NBPF26: variants seen among roughly 807,000 people sequenced by gnomAD.
The protein encoded by NBPF26 is NBPF family member NBPF26.
NBPF26 carries 79 observed loss-of-function variants against 119.6 expected under a neutral mutation model. That is an observed-to-expected ratio of 0.66 (90% CI 0.55 to 0.80). The LOEUF is 0.80. NBPF26 is among the 30% of genes least tolerant of loss of function. The pLI, the probability that NBPF26 is intolerant of heterozygous loss-of-function variation, is 0.00. For missense variants in NBPF26, 800 were observed against 1,198.2 expected (o/e 0.67, Z 4.91); for synonymous variants, 299 against 457.7 (o/e 0.65, Z 4.43).
chr1:120,767,590 CA>C (rs1484282348), intron 2 of NBPF26, among the ~76,000 whole-genome samples: 2 of 70,484 alleles, frequency 2.8e-5, no homozygotes, highest in Non-Finnish European at 4.8e-5. Flanking sequence ...GCATAAAACT[CA>C]ATTATTGCTG....
chr1:120,823,765 TG>T (rs2101537299), intron 17 of NBPF26, among the ~76,000 whole-genome samples: 2 of 107,036 alleles, frequency 1.9e-5, no homozygotes, highest in East Asian at 4.2e-4. Flanking sequence ...TGTGTGTGTG[TG>T]TGTGTGTGTG....
At chr1:120,840,503 C>T (rs1652493107) in exon 30 of NBPF26, 3 of 1,476,566 alleles carry the variant, frequency 2.0e-6, no homozygotes, top group East Asian at 2.3e-5. Flanking sequence ...AGCATATCAG[C>T]TTCGCCCTTT....
At chr1:120,840,614 A>G in exon 30 of NBPF26, 2 of 1,459,156 alleles carry the variant, frequency 1.4e-6, no homozygotes, top group Admixed American at 1.8e-5. Context: ...CTAAGCCGAG[A>G]GGTGTCATTC....
intron 2 of NBPF26, among the ~76,000 whole-genome samples, chr1:120,768,258 A>G (rs1651216598): frequency 8.9e-6 from 1 of 112,134 alleles, no homozygotes; most frequent in African/African-American, 5.5e-5. Context: ...TGAGGGGCCT[A>G]CCAAGCCCTG....
At chr1:120,768,196 A>G (rs1256192234) in intron 2 of NBPF26, among the ~76,000 whole-genome samples, 2 of 113,686 alleles carry the variant, frequency 1.8e-5, no homozygotes, top group Non-Finnish European at 3.3e-5. Context: ...TAGTCATGGG[A>G]TAGGGCTCTT....
rs1173281799 is a variant in NBPF26, at chr1:120,724,833, C to CGT, written c.73+589_73+590dup. ...AACCCCACCGAAAGTCCGGGGGAGC[C>CGT]GTGTGTGCTGCTCGCGTCTTTGAAA... On this transcript the variant is annotated intron_variant, in intron 1 of 29. Coordinates refer to ENST00000620612, the Ensembl canonical transcript of NBPF26. Among the ~76,000 whole-genome samples the CGT allele has an allele frequency of 2.2e-3, 184 of 85,132 alleles. 19 individuals are homozygous for CGT. The highest frequency in any genetic ancestry group is 2.4e-3 in the Non-Finnish European group (110 of 46,414). 55.8% of individuals were successfully genotyped at this position (85,132 alleles called of 152,430 possible). A position where few individuals can be genotyped will look rare whatever the true frequency, so the allele number is the denominator to read the frequency against.
chr1:120,790,687 C>T (rs1651482656), intron 3 of NBPF26, among the ~76,000 whole-genome samples: 1 of 110,390 alleles, frequency 9.1e-6, no homozygotes, highest in East Asian at 2.2e-4. Context: ...GCAACCTCCA[C>T]CTCTTGGGTT....
chr1:120,760,555 A>G (rs1651126102), intron 1 of NBPF26, among the ~76,000 whole-genome samples: 1 of 38,674 alleles, frequency 2.6e-5, no homozygotes, highest in Non-Finnish European at 5.2e-5. Flanking sequence ...TCTTTTCAAT[A>G]AACTGATTTA....
Position 120,815,278 on chromosome 1 carries a change from A to T in NBPF26, c.2092+235A>T, listed in dbSNP as rs1354694096. On this transcript the variant is annotated intron_variant, in intron 12 of 29. Coordinates refer to ENST00000620612, the Ensembl canonical transcript of NBPF26. ...GATGGAAGGTGGTCTTTGGAGCAAG[A>T]GGCAGCATCTATCTAGTTTTAAAGG... Among the ~76,000 whole-genome samples the T allele has an allele frequency of 5.0e-4, 58 of 116,292 alleles. 11 individuals carry two copies. Among genetic ancestry groups the T allele is most frequent in the Non-Finnish European group, 7.9e-4 (48 of 60,820 alleles). The allele number at this position is 116,292 out of a possible 152,430, so 76.3% of individuals were successfully genotyped here. A position where few individuals can be genotyped will look rare whatever the true frequency, so the allele number is the denominator to read the frequency against.
At chr1:120,730,421 A>C (rs1219316788) in intron 1 of NBPF26, among the ~76,000 whole-genome samples, 1 of 38,154 alleles carries the variant, frequency 2.6e-5, no homozygotes, top group East Asian at 6.8e-4. Context: ...AAAACAATCT[A>C]CAAGAAGGGG....
At chr1:120,770,490 C>G (rs1571026057) in intron 2 of NBPF26, among the ~76,000 whole-genome samples, 1 of 114,452 alleles carries the variant, frequency 8.7e-6, no homozygotes, top group Admixed American at 8.2e-5. Flanking sequence ...TTTTTTTATG[C>G]CAGATAGACT....
chr1:120,765,787 A>C (rs1317795985), intron 2 of NBPF26, among the ~76,000 whole-genome samples: 1 of 128,596 alleles, frequency 7.8e-6, no homozygotes. Flanking sequence ...ACACGATGGA[A>C]TACTATGCAG....
In NBPF26 at chr1:120,770,415, C is replaced by G. The variant is rs1651249765; in HGVS notation, c.155+6706C>G. ...CTATCTCCTGACCTCATGATCTGCC[C>G]GCCTCGGCCTCCCAAAGTGCTGGGA... On this transcript the variant is annotated intron_variant, in intron 2 of 29. Transcript: ENST00000620612. Among the ~76,000 whole-genome samples the G allele has an allele frequency of 1.8e-5, 2 of 111,486 alleles. 1 individual carries two copies. The highest frequency in any genetic ancestry group is 4.4e-4 in the East Asian group (2 of 4,520). 73.1% of individuals were successfully genotyped at this position (111,486 alleles called of 152,430 possible). A position where few individuals can be genotyped will look rare whatever the true frequency, so the allele number is the denominator to read the frequency against.
At chr1:120,760,274 G>A (rs1391960624) in intron 1 of NBPF26, among the ~76,000 whole-genome samples, 5 of 71,764 alleles carry the variant, frequency 7.0e-5, no homozygotes, top group African/African-American at 1.3e-4. Context: ...TGCAACCTCC[G>A]CCCCCCAGGT....
At chr1:120,823,676 G>A (rs1246859776) in intron 17 of NBPF26, among the ~76,000 whole-genome samples, 1 of 122,522 alleles carries the variant, frequency 8.2e-6, no homozygotes, top group Admixed American at 7.8e-5. Context: ...TTCACTGTGT[G>A]TCCTGAGAGC....
Position 120,784,479 on chromosome 1 carries a change from G to A in NBPF26, c.156-495G>A, listed in dbSNP as rs1436548737. ...CTGTGTTATGGCCTTTGCATTTGCT[G>A]TTCCCTTTCTCATGAATGTGTTTCC... On this transcript the variant is annotated intron_variant, in intron 2 of 29. Coordinates refer to ENST00000620612, the Ensembl canonical transcript of NBPF26. Among the ~76,000 whole-genome samples the A allele has an allele frequency of 6.0e-5, 7 of 116,748 alleles. 3 individuals carry two copies. In the East Asian group the frequency reaches 1.5e-3, roughly 25 times the overall value. 76.6% of individuals were successfully genotyped at this position (116,748 alleles called of 152,430 possible).
Position 120,804,680 on chromosome 1 carries a change from A to T in NBPF26, c.752-876A>T, listed in dbSNP as rs1651635636. Among the ~76,000 whole-genome samples the T allele has an allele frequency of 1.7e-5, 2 of 119,610 alleles. 1 individual carries two copies. The highest frequency in any genetic ancestry group is 3.3e-5 in the Non-Finnish European group (2 of 61,110). 78.5% of individuals were successfully genotyped at this position (119,610 alleles called of 152,430 possible). A position where few individuals can be genotyped will look rare whatever the true frequency, so the allele number is the denominator to read the frequency against. ...AGTTTAAAATGTAGTGCTCAGTGAC[A>T]TTAAAAAACACATCAACCCACATAG... On this transcript the variant is annotated intron_variant, in intron 4 of 29. Transcript: ENST00000620612.
At chr1:120,761,107 G>A (rs1651132745) in intron 1 of NBPF26, among the ~76,000 whole-genome samples, 1 of 124,646 alleles carries the variant, frequency 8.0e-6, no homozygotes, top group Non-Finnish European at 1.6e-5. Flanking sequence ...GAGTTTGATT[G>A]GTTCACTAGG....
chr1:120,816,440 C>T (rs1163125747), intron 13 of NBPF26, among the ~76,000 whole-genome samples, 182 bp from the exon 14 acceptor site: 3 of 79,306 alleles, frequency 3.8e-5, no homozygotes, highest in Non-Finnish European at 2.3e-5. Context: ...TCTCTGGTTC[C>T]CATGGCAGCC....
Sources: allele counts gnomAD v4.1 joint callset (sites outside exome capture counted in the v4.1 genomes callset), GRCh38; gene constraint gnomAD v4.1.1; transcripts MANE v1.5; gene names NCBI Gene and HGNC (gene_info 2026-07-23, HGNC 2026-07-21).